The following WWC1 variants were observed in gnomAD, a reference collection of about 807,000 sequenced individuals.
WWC1 encodes the protein protein KIBRA.
In WWC1, 55 loss-of-function variants were observed where a neutral mutation model predicts 138.4. That is an observed-to-expected ratio of 0.40 (90% CI 0.32 to 0.50). WWC1 has a LOEUF of 0.50. Ranked by LOEUF, WWC1 falls within the 20% of genes least tolerant of loss-of-function variation. The probability of loss-of-function intolerance (pLI) is 0.72; values close to 1 mark genes in which losing one functional copy is unlikely to be tolerated. For missense variants in WWC1, 1,226 were observed against 1,420.4 expected (o/e 0.86, Z 2.20); for synonymous variants, 524 against 564.9 (o/e 0.93, Z 1.03).
chr5:168,428,245 G>T (rs561310106), intron 12 of WWC1, 104 bp downstream of exon 12: 2 of 1,152,628 alleles, frequency 1.7e-6, no homozygotes, highest in African/African-American at 3.1e-5. Context: ...CCCCCACAGT[G>T]TGTGGGAGGA....
At chr5:168,449,920 G>A (rs945757997) in intron 17 of WWC1, among the ~76,000 whole-genome samples, 1 of 152,192 alleles carries the variant, frequency 6.6e-6, no homozygotes, top group African/African-American at 2.4e-5. Context: ...GGCCAAGGAG[G>A]AGAGCCAAGG....
rs903876486 is a variant in WWC1, at chr5:168,471,293, C to T, written c.*2276C>T. ...CCAGCCCGATTTCTCACCACTGGCC[C>T]AGGGCTTCCTCCTGCCCCGTGGCTT... On this transcript the variant is annotated 3_prime_UTR_variant, in exon 23 of 23. Transcript: ENST00000265293. 2 of 152,458 alleles carry T rather than the reference C, an allele frequency of 1.3e-5. No homozygotes were observed. The highest frequency in any genetic ancestry group is 6.5e-5 in the Admixed American group (1 of 15,288). 9.4% of individuals were successfully genotyped at this position (152,458 alleles called of 1,614,324 possible). A position where few individuals can be genotyped will look rare whatever the true frequency, so the allele number is the denominator to read the frequency against.
At chr5:168,359,736 A>G (rs1007427271) in intron 1 of WWC1, among the ~76,000 whole-genome samples, 2 of 152,186 alleles carry the variant, frequency 1.3e-5, no homozygotes, top group Non-Finnish European at 2.9e-5. Flanking sequence ...AAAACCCACA[A>G]AGGAATATAT....
intron 21 of WWC1, among the ~76,000 whole-genome samples, chr5:168,465,750 G>T (rs1757240017): frequency 6.6e-6 from 1 of 151,670 alleles, no homozygotes; most frequent in African/African-American, 2.4e-5. Flanking sequence ...TAGAGATGGG[G>T]TTTCACCATG....
At chr5:168,336,114 A>G (rs1008570457) in intron 1 of WWC1, among the ~76,000 whole-genome samples, 8 of 152,160 alleles carry the variant, frequency 5.3e-5, no homozygotes, top group Non-Finnish European at 1.2e-4. Flanking sequence ...TTAACCGCCC[A>G]CTTACTGCTG....
At chr5:168,346,154 G>A (rs547624354) in intron 1 of WWC1, among the ~76,000 whole-genome samples, 8 of 152,126 alleles carry the variant, frequency 5.3e-5, no homozygotes, top group Admixed American at 6.5e-5. Context: ...GAGATTAATC[G>A]GGTACCTATG....
chr5:168,433,182 A>G (rs1782083635), intron 15 of WWC1, among the ~76,000 whole-genome samples: 1 of 152,234 alleles, frequency 6.6e-6, no homozygotes, highest in African/African-American at 2.4e-5. Flanking sequence ...TCTGAAGACT[A>G]ACTAAGGCGC....
intron 1 of WWC1, among the ~76,000 whole-genome samples, chr5:168,298,714 A>G (rs1418162536): frequency 6.6e-6 from 1 of 152,170 alleles, no homozygotes; most frequent in Non-Finnish European, 1.5e-5. Context: ...TAAGCATTCT[A>G]TTTTGTGACC....
intron 1 of WWC1, among the ~76,000 whole-genome samples, chr5:168,344,112 C>T (rs1203012720): frequency 6.6e-6 from 1 of 152,174 alleles, no homozygotes; most frequent in East Asian, 1.9e-4. Context: ...CCTTATTTTC[C>T]ACCTAGAACA....
chr5:168,351,190 A>G (rs770446932), intron 1 of WWC1, among the ~76,000 whole-genome samples: 1 of 152,060 alleles, frequency 6.6e-6, no homozygotes, highest in Non-Finnish European at 1.5e-5. Context: ...TGGGAAGGCA[A>G]TGAGCCTAGG....
chr5:168,410,063 C>T, intron 8 of WWC1, 68 bp downstream of exon 8: 1 of 1,448,314 alleles, frequency 6.9e-7, no homozygotes, highest in Non-Finnish European at 9.7e-7. Context: ...AATGCCTGCT[C>T]TGTGCTTAGC....
chr5:168,403,578 G>A (rs1270935883), intron 5 of WWC1, among the ~76,000 whole-genome samples: 2 of 152,214 alleles, frequency 1.3e-5, no homozygotes, highest in Non-Finnish European at 1.5e-5. Flanking sequence ...GTTGCCTCTT[G>A]GAGGAGATTG....
chr5:168,371,543 C>T lies in WWC1; in HGVS notation c.229+10C>T, dbSNP rs536420484. The T allele has an allele frequency of 8.1e-6, 13 of 1,601,814 alleles. No individual in the cohort carries two copies. The highest frequency in any genetic ancestry group is 5.0e-5 in the Admixed American group (3 of 59,904). ...ATAGACCACAACACCAGTAAGTTCCCGACGGTCCTCCCTTCCCTGTGCCCT... is the reference window on the plus strand; with the variant it reads ...ATAGACCACAACACCAGTAAGTTCCTGACGGTCCTCCCTTCCCTGTGCCCT... On this transcript the variant is annotated intron_variant, in intron 2 of 22. Coordinates refer to ENST00000265293, the MANE Select transcript of WWC1 (RefSeq NM_015238.3).
At chr5:168,350,315 C>T (rs1377764296) in intron 1 of WWC1, among the ~76,000 whole-genome samples, 1 of 152,182 alleles carries the variant, frequency 6.6e-6, no homozygotes, top group Non-Finnish European at 1.5e-5. Flanking sequence ...GTGGGTTGTG[C>T]AGGAATGATT....
At chr5:168,349,283 C>T (rs117919917) in intron 1 of WWC1, among the ~76,000 whole-genome samples, 1 of 152,276 alleles carries the variant, frequency 6.6e-6, no homozygotes, top group East Asian at 1.9e-4. Flanking sequence ...GACACCCCCA[C>T]CCAGTTCTCT....
intron 1 of WWC1, among the ~76,000 whole-genome samples, chr5:168,308,452 C>T (rs1288686072): frequency 6.6e-6 from 1 of 152,202 alleles, no homozygotes; most frequent in Non-Finnish European, 1.5e-5. Context: ...AAATAAAATA[C>T]ATCTATAGTG....
intron 1 of WWC1, among the ~76,000 whole-genome samples, chr5:168,314,756 T>A: frequency 6.6e-6 from 1 of 151,816 alleles, no homozygotes; most frequent in South Asian, 2.1e-4. Flanking sequence ...TGGGTACAGG[T>A]GGGGACAAGG....
chr5:168,339,921 C>T (rs538744788), intron 1 of WWC1, among the ~76,000 whole-genome samples: 68 of 134,762 alleles, frequency 5.0e-4, no homozygotes, highest in African/African-American at 2.0e-3. Context: ...CTCTCTCTCT[C>T]TCTTTCTCTC....
intron 1 of WWC1, among the ~76,000 whole-genome samples, chr5:168,315,845 C>G (rs896440832): frequency 6.6e-6 from 1 of 152,154 alleles, no homozygotes; most frequent in African/African-American, 2.4e-5. Context: ...AGAGGGCGAG[C>G]ATCAGACCCA....
Sources: allele counts gnomAD v4.1 joint callset (sites outside exome capture counted in the v4.1 genomes callset), GRCh38; gene constraint gnomAD v4.1.1; transcripts MANE v1.5; gene names NCBI Gene and HGNC (gene_info 2026-07-23, HGNC 2026-07-21).